TTC16: variants seen among roughly 807,000 people sequenced by gnomAD.
TTC16 encodes tetratricopeptide repeat domain 16, also known as tetratricopeptide repeat protein 16.
In TTC16, 66 loss-of-function variants were observed where a neutral mutation model predicts 80.4. The observed-to-expected ratio is 0.82, with a 90% CI of 0.67 to 1.01. TTC16 has a LOEUF of 1.01. TTC16 is among the 50% of genes least tolerant of loss of function. The pLI, the probability that TTC16 is intolerant of heterozygous loss-of-function variation, is 0.00. For missense variants in TTC16, 1,070 were observed against 1,103.2 expected, an observed-to-expected ratio of 0.97 and a Z score of 0.43; for synonymous variants, 438 against 451.3, an observed-to-expected ratio of 0.97 and a Z score of 0.37.
chr9:127,724,266 A>G lies in TTC16; in HGVS notation c.1019A>G (p.His340Arg). The change falls in exon 8 of 14, where the codon CAC becomes CGC. Residue 340 changes from histidine (H) to arginine (R), a missense_variant. By Grantham distance (29) the His-to-Arg change is conservative. Coordinates refer to ENST00000373289, the MANE Select transcript of TTC16 (RefSeq NM_144965.3). ...LLLTYNDFAV[H>R]CYRQGAYQEG... ...CTGACCTACAACGACTTTGCCGTGC[A>G]CTGCTACAGGCAGGGCGCCTACCAG... The G allele has an allele frequency of 6.2e-7, 1 of 1,613,064 alleles. No individual in the cohort carries two copies. The highest frequency in any genetic ancestry group is 8.5e-7 in the Non-Finnish European group (1 of 1,180,020).
chr9:127,724,281 G>A lies in TTC16; in HGVS notation c.1034G>A (p.Gly345Asp), dbSNP rs759759142. The A allele has an allele frequency of 2.4e-5, 39 of 1,612,938 alleles. No homozygotes were observed. Among genetic ancestry groups the A allele is most frequent in the Non-Finnish European group, 3.0e-5 (35 of 1,180,028 alleles). Residue 345 changes from glycine (G) to aspartate (D), a missense_variant, in exon 8 of 14, where the codon GGC (glycine) becomes GAC (aspartate). Transcript: ENST00000373289. ...NDFAVHCYRQ[G>D]AYQEGVLLLN... ...TTTGCCGTGCACTGCTACAGGCAGG[G>A]CGCCTACCAGGAGGGCGTGCTGCTG...
intron 6 of TTC16, 146 bp downstream of exon 6, chr9:127,720,541 C>A: frequency 2.9e-6 from 3 of 1,051,440 alleles, no homozygotes; most frequent in Non-Finnish European, 4.2e-6. Context: ...TGGGAAGAGG[C>A]CCACACTGGC....
At position 127,722,501 on chromosome 9, in the gene TTC16, C is replaced by G. The variant is rs962823821; in HGVS notation, c.658-618C>G. Among the ~76,000 whole-genome samples the G allele has an allele frequency of 1.3e-5, 2 of 152,116 alleles. No homozygotes were observed. The highest frequency in any genetic ancestry group is 2.9e-5 in the Non-Finnish European group (2 of 68,016). ...ACCGTCACAGTCAGGAGGTCACATGCTCCCCGCACCTTGAGTGGGCTTCAC... is the reference window on the plus strand; with the variant it reads ...ACCGTCACAGTCAGGAGGTCACATGGTCCCCGCACCTTGAGTGGGCTTCAC... On this transcript the variant is annotated intron_variant, in intron 6 of 13. Transcript: ENST00000373289. This position sits in a 1 kb window ranked among gnomAD's most constrained non-coding sequence, Gnocchi z 4.2.
At position 127,724,390 on chromosome 9, in the gene TTC16, AG is replaced by A. The variant is rs762563602; in HGVS notation, c.1117+33del. The A allele has an allele frequency of 1.2e-3, 1,126 of 923,982 alleles. 7 individuals carry two copies. Among genetic ancestry groups the A allele is most frequent in the Middle Eastern group, 2.1e-3 (9 of 4,200 alleles). 57.2% of individuals were successfully genotyped at this position (923,982 alleles called of 1,614,324 possible). ...GTGCGCAGCGACCAGGGCACTGGGG[AG>A]GGGGGGTGCGGGGGAGCCTCGCCAT... On this transcript the variant is annotated intron_variant, in intron 8 of 13. Transcript: ENST00000373289.
intron 7 of TTC16, among the ~76,000 whole-genome samples, chr9:127,723,905 CA>C (rs11410543): frequency 6.7e-4 from 98 of 146,112 alleles, no homozygotes; most frequent in Admixed American, 2.6e-3. Context: ...GGTATTTTTG[CA>C]AAAAAAAAAA....
At position 127,720,056 on chromosome 9, in the gene TTC16, TGACTGTCCCCTGTGTCCC is replaced by T. The variant is rs1228629257; in HGVS notation, c.427-21_427-4del. 6.2e-7 allele frequency: 1 copy of T among 1,611,564 alleles called. No homozygotes were observed. Among genetic ancestry groups the T allele is most frequent in the South Asian group, 1.1e-5 (1 of 91,042 alleles). ...GCTGGGCTGGGGTGGCAAGCAGAAT[TGACTGTCCCCTGTGTCCC>T]CAGGGACAATGCCTTTTTGAGCAGT... On this transcript the variant is annotated splice_polypyrimidine_tract_variant and splice_region_variant and intron_variant, in intron 4 of 13. Coordinates refer to ENST00000373289, the MANE Select transcript of TTC16 (RefSeq NM_144965.3).
Position 127,730,887 on chromosome 9 carries a change from A to G in TTC16, c.2104A>G (p.Ile702Val). The stretch of plus-strand genomic sequence containing the variant: ...GAACTCCAGCAAGACCAAGGCCACT[A>G]TACACAAGAGGAACTCCAGCAAGAC... ...RRNSSKTKAT[I>V]HKRNSSKTKA... Residue 702 changes from isoleucine (I) to valine (V), a missense_variant, in exon 14 of 14, where the codon ATA becomes GTA. Transcript: ENST00000373289. 1 of 1,609,720 alleles carries G rather than the reference A, an allele frequency of 6.2e-7. No homozygotes were observed. Among genetic ancestry groups the G allele is most frequent in the South Asian group, 1.1e-5 (1 of 90,918 alleles).
In TTC16 at chr9:127,718,115, T is replaced by C. The variant is rs1223204970; in HGVS notation, c.426+343T>C. Among the ~76,000 whole-genome samples, 1 of 152,162 alleles carries C rather than the reference T, an allele frequency of 6.6e-6. No homozygotes were observed. The highest frequency in any genetic ancestry group is 1.5e-5 in the Non-Finnish European group (1 of 68,036). The stretch of plus-strand genomic sequence containing the variant: ...ATTATTATTATTATTTTTGAGACAG[T>C]CTTGCTCTGTCACCCAGGCTGCAGT... On this transcript the variant is annotated intron_variant, in intron 4 of 13. Transcript: ENST00000373289. This position sits in a 1 kb window ranked among gnomAD's most constrained non-coding sequence, Gnocchi z 4.6.
intron 6 of TTC16, among the ~76,000 whole-genome samples, chr9:127,720,835 CT>C (rs60781537): frequency 2.3e-3 from 3 of 1,318 alleles, no homozygotes; most frequent in Non-Finnish European, 2.8e-3. Flanking sequence ...CCTGCCTTCC[CT>C]CCTCCCTTCC....
chr9:127,726,260 C>T lies in TTC16; in HGVS notation c.1281C>T (p.Asn427=), dbSNP rs1399748583. ...QRRKQFQKAE[N]HFSTAIRHNP... ...GCAGGCAGTTCCAGAAGGCAGAGAACCACTTCTCCACGGCCATCCGGCACA... is the reference window on the plus strand; with the variant it reads ...GCAGGCAGTTCCAGAAGGCAGAGAATCACTTCTCCACGGCCATCCGGCACA... Residue 427 remains asparagine, a synonymous_variant, in exon 10 of 14, where the codon AAC becomes AAT. Coordinates refer to ENST00000373289, the MANE Select transcript of TTC16 (RefSeq NM_144965.3). 1.9e-6 allele frequency: 3 copies of T among 1,597,736 alleles called. No homozygotes were observed. The African/African-American group carries it at 4.0e-5, about 21-fold the overall frequency.
At chr9:127,716,534 G>C (rs1003836676) in intron 1 of TTC16, 49 of 535,398 alleles carry the variant, frequency 9.2e-5, no homozygotes, top group Non-Finnish European at 1.3e-4. Context: ...AGACATCAAA[G>C]CTTGGGGTGT....
intron 8 of TTC16, 169 bp from the exon 9 acceptor site, chr9:127,724,587 A>G: frequency 2.7e-6 from 3 of 1,122,250 alleles, no homozygotes; most frequent in Non-Finnish European, 3.7e-6. Context: ...CAAAACAGGC[A>G]GCTGGGGAAC....
intron 1 of TTC16, 147 bp from the exon 2 acceptor site, chr9:127,716,696 TG>T: frequency 9.9e-7 from 1 of 1,009,048 alleles, no homozygotes; most frequent in Non-Finnish European, 1.4e-6. Context: ...GGAATGGGGC[TG>T]GGAGCGCCAC....
intron 6 of TTC16, 22 bp from the exon 7 acceptor site, chr9:127,723,097 T>G: frequency 5.6e-6 from 9 of 1,605,406 alleles, no homozygotes; most frequent in Non-Finnish European, 7.6e-6. Flanking sequence ...GTGCCCCTGA[T>G]GCCACCCATG....
At position 127,720,314 on chromosome 9, in the gene TTC16, C is replaced by T. The variant is rs368275837; in HGVS notation, c.576C>T (p.Leu192=). 101 of 1,613,344 alleles carry T rather than the reference C, an allele frequency of 6.3e-5. No individual in the cohort carries two copies. Among genetic ancestry groups the T allele is most frequent in the Non-Finnish European group, 8.1e-5 (95 of 1,179,992 alleles). ...ALKQHQACLT[L]ITNELKQDTT... is the part of the protein sequence containing the mutation. ...AGCAGCATCAGGCCTGCCTCACGCTCATCACCAACGAGCTGAAGCAGGACA... is the reference window on the plus strand; with the variant it reads ...AGCAGCATCAGGCCTGCCTCACGCTTATCACCAACGAGCTGAAGCAGGACA... The change falls in exon 6 of 14, where the codon CTC becomes CTT. Residue 192 remains leucine, a synonymous_variant. Transcript: ENST00000373289.
chr9:127,720,526 C>T, intron 6 of TTC16, 131 bp downstream of exon 6: 3 of 1,227,384 alleles, frequency 2.4e-6, no homozygotes, highest in Non-Finnish European at 3.5e-6. Context: ...GGGTGCTGTC[C>T]TCCCTGGGAA....
At position 127,722,019 on chromosome 9, in the gene TTC16, C is replaced by T. The variant is rs934954530; in HGVS notation, c.658-1100C>T. On this transcript the variant is annotated intron_variant, in intron 6 of 13. Coordinates refer to ENST00000373289, the MANE Select transcript of TTC16 (RefSeq NM_144965.3). The surrounding 1 kb of genome is among the most constrained non-coding windows in gnomAD (Gnocchi z 4.2). ...TGTTGTGATTTTAGCCCCTCCGATA[C>T]GTAGGCGTGTTCTCAGCACTTTGCC... 2.0e-5 allele frequency among the ~76,000 whole-genome samples: 3 copies of T among 152,258 alleles called. No homozygotes were observed. Among genetic ancestry groups the T allele is most frequent in the Admixed American group, 6.5e-5 (1 of 15,296 alleles).
chr9:127,727,759 C>A, intron 12 of TTC16: 1 of 359,462 alleles, frequency 2.8e-6, no homozygotes, highest in Non-Finnish European at 4.5e-6. Context: ...GCCACTTGTG[C>A]CAGAATTTTT....
Position 127,729,676 on chromosome 9 carries a change from C to T in TTC16, c.1852+8C>T, listed in dbSNP as rs1751232057. 2 of 1,612,762 alleles carry T rather than the reference C, an allele frequency of 1.2e-6. No homozygotes were observed. The highest frequency in any genetic ancestry group is 2.7e-5 in the African/African-American group (2 of 74,944). On this transcript the variant is annotated splice_region_variant and intron_variant, in intron 13 of 13. Transcript: ENST00000373289. ...CAGCCTCCAGCATGAGCTGTAAGTCCCTGGTGCTTCCGCCAGGCCTCAGGA... is the reference window on the plus strand; with the variant it reads ...CAGCCTCCAGCATGAGCTGTAAGTCTCTGGTGCTTCCGCCAGGCCTCAGGA...
Sources: gnomAD v4.1 joint callset for allele counts (sites outside exome capture counted in the v4.1 genomes callset) on GRCh38, gnomAD v4.1.1 for gene constraint, Gnocchi (gnomAD v3.1) non-coding constraint, MANE v1.5 for transcripts, NCBI Gene and HGNC (gene_info 2026-07-23, HGNC 2026-07-21) for gene names.